FOXP1: variants seen among roughly 807,000 people sequenced by gnomAD.
FOXP1 encodes forkhead box protein P1.
FOXP1 carries 15 observed loss-of-function variants against 98.2 expected under a neutral mutation model. That is an observed-to-expected ratio of 0.15 (90% CI 0.10 to 0.24). The LOEUF is 0.24. Ranked by LOEUF, FOXP1 falls within the 10% of genes least tolerant of loss-of-function variation. The probability of loss-of-function intolerance (pLI) is 1.00; values close to 1 mark genes in which losing one functional copy is unlikely to be tolerated. For synonymous variants in FOXP1, 371 were observed against 314.5 expected, an observed-to-expected ratio of 1.18 and a Z score of -1.90; for missense variants, 633 against 848.5, an observed-to-expected ratio of 0.75 and a Z score of 3.15.
At chr3:71,197,134 G>A (rs947180545) in intron 6 of FOXP1, among the ~76,000 whole-genome samples, 2 of 152,164 alleles carry the variant, frequency 1.3e-5, no homozygotes, top group African/African-American at 4.8e-5. Context: ...CAGATTCCAA[G>A]AAAATGGTTT....
chr3:71,224,687 A>G (rs2065691628), intron 5 of FOXP1, among the ~76,000 whole-genome samples: 1 of 152,228 alleles, frequency 6.6e-6, no homozygotes, highest in Admixed American at 6.5e-5. Flanking sequence ...CATTTGTTGA[A>G]TAAACAAATC....
At chr3:71,065,097 C>G (rs962477635) in intron 7 of FOXP1, among the ~76,000 whole-genome samples, 3 of 149,502 alleles carry the variant, frequency 2.0e-5, no homozygotes, top group Non-Finnish European at 4.5e-5. Flanking sequence ...CCGCGCGCCC[C>G]GGCCCCCTCC....
intron 3 of FOXP1, among the ~76,000 whole-genome samples, chr3:71,486,315 T>C (rs2090646000): frequency 6.6e-6 from 1 of 152,226 alleles, no homozygotes; most frequent in Non-Finnish European, 1.5e-5. Context: ...TCTCTAATTA[T>C]TTGTTATAAA....
intron 2 of FOXP1, among the ~76,000 whole-genome samples, chr3:71,545,140 G>C (rs1260756631): frequency 6.6e-6 from 1 of 151,796 alleles, no homozygotes; most frequent in African/African-American, 2.4e-5. Flanking sequence ...ACATGTACAT[G>C]CGCGCATATG....
intron 6 of FOXP1, among the ~76,000 whole-genome samples, chr3:71,193,680 C>T (rs899128633): frequency 3.3e-5 from 5 of 151,386 alleles, no homozygotes; most frequent in African/African-American, 1.2e-4. Context: ...AACTCCTGGC[C>T]CCAAGTGATC....
intron 4 of FOXP1, among the ~76,000 whole-genome samples, chr3:71,352,470 C>CAAAAAAAA (rs34693899): frequency 8.9e-5 from 6 of 67,098 alleles, no homozygotes; most frequent in South Asian, 7.7e-4. Context: ...GACTCCATCT[C>CAAAAAAAA]AAAAAAAAAA....
intron 6 of FOXP1, among the ~76,000 whole-genome samples, chr3:71,164,634 T>C (rs2108168819): frequency 6.6e-6 from 1 of 152,334 alleles, no homozygotes; most frequent in South Asian, 2.1e-4. Flanking sequence ...TTATAGAAAG[T>C]CTATTCACAA....
intron 2 of FOXP1, among the ~76,000 whole-genome samples, chr3:71,530,495 C>T (rs1331182328): frequency 2.0e-5 from 3 of 152,188 alleles, no homozygotes; most frequent in South Asian, 2.1e-4. Context: ...TGGACCAAGA[C>T]AGTTGGTGTG....
At chr3:71,414,949 C>T (rs945411346) in intron 3 of FOXP1, among the ~76,000 whole-genome samples, 1 of 152,242 alleles carries the variant, frequency 6.6e-6, no homozygotes, top group African/African-American at 2.4e-5. Flanking sequence ...CAAAATACTG[C>T]ATTTTCCCAG....
intron 3 of FOXP1, among the ~76,000 whole-genome samples, chr3:71,372,799 GACAAGATCAGTT>G (rs1553862027): frequency 6.6e-6 from 1 of 152,162 alleles, no homozygotes; most frequent in Non-Finnish European, 1.5e-5. Flanking sequence ...AAATGCACAC[GACAAGATCAGTT>G]ACAGAAATGA....
chr3:71,234,793 A>T (rs1304430591), intron 5 of FOXP1, among the ~76,000 whole-genome samples: 1 of 152,204 alleles, frequency 6.6e-6, no homozygotes, highest in African/African-American at 2.4e-5. Context: ...TCAGGCAGTA[A>T]TCATATCCAG....
intron 7 of FOXP1, among the ~76,000 whole-genome samples, chr3:71,054,068 A>T (rs1012830219): frequency 3.9e-5 from 6 of 152,250 alleles, no homozygotes; most frequent in Non-Finnish European, 8.8e-5. Flanking sequence ...ACAGTTCTCA[A>T]TTGCTTATTG....
chr3:71,308,245 C>T (rs1432549982), intron 4 of FOXP1, among the ~76,000 whole-genome samples: 1 of 152,040 alleles, frequency 6.6e-6, no homozygotes, highest in Non-Finnish European at 1.5e-5. Context: ...ATTGTTCAAG[C>T]CAATTATCAG....
At chr3:71,460,402 G>A (rs1009721012) in intron 3 of FOXP1, among the ~76,000 whole-genome samples, 1 of 151,376 alleles carries the variant, frequency 6.6e-6, no homozygotes, top group South Asian at 2.1e-4. Flanking sequence ...ACCATGCCCC[G>A]CTAATTTTTG....
At chr3:71,172,519 C>T (rs539477308) in intron 6 of FOXP1, among the ~76,000 whole-genome samples, 1 of 152,352 alleles carries the variant, frequency 6.6e-6, no homozygotes, top group South Asian at 2.1e-4. Context: ...CTTGCTTCCT[C>T]TAATACTCCT....
At chr3:71,405,066 C>T (rs1038882866) in intron 3 of FOXP1, among the ~76,000 whole-genome samples, 14 of 152,204 alleles carry the variant, frequency 9.2e-5, no homozygotes, top group Admixed American at 9.2e-4. Context: ...ACGCAGCCAC[C>T]AACTTCCAAA....
intron 2 of FOXP1, among the ~76,000 whole-genome samples, chr3:71,534,675 T>C (rs1438086776): frequency 1.3e-5 from 2 of 152,074 alleles, no homozygotes; most frequent in African/African-American, 4.8e-5. Context: ...CAGAGTGGGG[T>C]TGGATGGGGT....
At chr3:71,066,994 C>A (rs922878718) in intron 7 of FOXP1, among the ~76,000 whole-genome samples, 21 of 152,076 alleles carry the variant, frequency 1.4e-4, no homozygotes, top group African/African-American at 4.8e-4. Flanking sequence ...CTAAATTGCA[C>A]GGTGGTGGCT....
intron 2 of FOXP1, among the ~76,000 whole-genome samples, chr3:71,494,178 C>T (rs933912670): frequency 3.9e-5 from 6 of 152,090 alleles, no homozygotes; most frequent in Admixed American, 2.0e-4. Flanking sequence ...GTTCTGGACC[C>T]GGTATGGTCT....
Sources: allele counts gnomAD v4.1 joint callset (sites outside exome capture counted in the v4.1 genomes callset), GRCh38; gene constraint gnomAD v4.1.1; transcripts MANE v1.5; gene names NCBI Gene and HGNC (gene_info 2026-07-23, HGNC 2026-07-21).